ANXA6: variants seen among roughly 807,000 people sequenced by gnomAD.
ANXA6 encodes the protein annexin A6.
Under a neutral mutation model 95.4 loss-of-function variants are expected in ANXA6, and 71 were observed. That is an observed-to-expected ratio of 0.74 (90% CI 0.61 to 0.91). ANXA6 has a LOEUF of 0.91. Among genes scored for constraint, ANXA6 ranks in the 40% least tolerant of loss-of-function variants. The pLI is 0.00. For synonymous variants in ANXA6, 289 were observed against 315.9 expected, an observed-to-expected ratio of 0.91 and a Z score of 0.90; for missense variants, 830 against 876.4, an observed-to-expected ratio of 0.95 and a Z score of 0.67.
At position 151,101,330 on chromosome 5, in the gene ANXA6, A is replaced by ACCC; in HGVS notation, c.*115_*117dup. 2.6e-6 allele frequency: 1 copy of ACCC among 385,868 alleles called. No homozygotes were observed. The highest frequency in any genetic ancestry group is 5.2e-6 in the Non-Finnish European group (1 of 190,628). 23.9% of individuals were successfully genotyped at this position (385,868 alleles called of 1,614,324 possible). A position where few individuals can be genotyped will look rare whatever the true frequency, so the allele number is the denominator to read the frequency against. ...CCACTGAAGATAAGAGCCCAACCCA[A>ACCC]CCCCTCCCCCCACCCCTGCCCCTTC... On this transcript the variant is annotated 3_prime_UTR_variant, in exon 26 of 26. Coordinates refer to ENST00000354546, the MANE Select transcript of ANXA6 (RefSeq NM_001155.5).
At chr5:151,104,049 G>A (rs1764624376) in intron 24 of ANXA6, among the ~76,000 whole-genome samples, 1 of 152,292 alleles carries the variant, frequency 6.6e-6, no homozygotes, top group East Asian at 1.9e-4. Context: ...AAGAGGGAGG[G>A]CACAGACATA....
intron 2 of ANXA6, among the ~76,000 whole-genome samples, chr5:151,141,072 C>A (rs1765823280): frequency 6.6e-6 from 1 of 152,240 alleles, no homozygotes; most frequent in African/African-American, 2.4e-5. Flanking sequence ...CTGGCTTGGT[C>A]TTTGAGGGGA....
chr5:151,122,896 A>C (rs753079555), intron 16 of ANXA6, 21 bp downstream of exon 16: 7 of 1,608,906 alleles, frequency 4.4e-6, no homozygotes, highest in Non-Finnish European at 5.1e-6. Context: ...TTGCACAGAG[A>C]GCCCAGGAGG....
intron 20 of ANXA6, among the ~76,000 whole-genome samples, chr5:151,112,464 A>C (rs1581982117): frequency 6.6e-6 from 1 of 152,244 alleles, no homozygotes; most frequent in East Asian, 1.9e-4. Context: ...TTTTAAATTT[A>C]AATGTTAAAT....
At position 151,105,146 on chromosome 5, in the gene ANXA6, G is replaced by T. The variant is rs1217967295; in HGVS notation, c.1839+99C>A. 4 of 1,161,544 alleles carry T rather than the reference G, an allele frequency of 3.4e-6. No individual in the cohort carries two copies. The East Asian group carries it at 7.1e-5, about 21-fold the overall frequency. 72.0% of individuals were successfully genotyped at this position (1,161,544 alleles called of 1,614,324 possible). Reference sequence around the variant, plus strand: ...AAATGTCAAATGGGAAGAAACAGCTGCCAGGAATCCTGATCTGGGGGATGG... The same window carrying T: ...AAATGTCAAATGGGAAGAAACAGCTTCCAGGAATCCTGATCTGGGGGATGG... On this transcript the variant is annotated intron_variant, in intron 24 of 25. Transcript: ENST00000354546.
At chr5:151,134,374 C>T in intron 8 of ANXA6, 53 bp downstream of exon 8, 1 of 1,593,962 alleles carries the variant, frequency 6.3e-7, no homozygotes, top group Non-Finnish European at 8.6e-7. Context: ...CAACCTCTCC[C>T]CTCCCAAGGC....
chr5:151,135,898 A>C (rs1765644993), intron 7 of ANXA6, among the ~76,000 whole-genome samples: 2 of 152,138 alleles, frequency 1.3e-5, no homozygotes, highest in Non-Finnish European at 2.9e-5. Context: ...TCTCTTTGTG[A>C]TATACTTTGG....
chr5:151,157,381 T>C (rs1436023282), intron 1 of ANXA6, among the ~76,000 whole-genome samples: 1 of 143,560 alleles, frequency 7.0e-6, no homozygotes, highest in African/African-American at 2.7e-5. Context: ...GACCAGCCCC[T>C]GGCTCAGCTC....
chr5:151,133,176 C>T lies in ANXA6; in HGVS notation c.558G>A (p.Glu186=), dbSNP rs948619279. 3 of 1,586,890 alleles carry T rather than the reference C, an allele frequency of 1.9e-6. No individual in the cohort carries two copies. Among genetic ancestry groups the T allele is most frequent in the Non-Finnish European group, 2.6e-6 (3 of 1,165,632 alleles). ...LVQQDVQDLY[E]AGELKWGTDE... is the part of the protein sequence containing the mutation. Reference sequence around the variant, plus strand: ...CTGTTCCCCATTTCAGTTCCCCTGCCTCGTATAGGTCCTGAAGGGGAAGAG... The same window carrying T: ...CTGTTCCCCATTTCAGTTCCCCTGCTTCGTATAGGTCCTGAAGGGGAAGAG... Residue 186 remains glutamate, a synonymous_variant, in exon 9 of 26, where the codon GAG becomes GAA. Transcript: ENST00000354546.
At chr5:151,145,914 T>C (rs1765964509) in intron 2 of ANXA6, among the ~76,000 whole-genome samples, 1 of 152,126 alleles carries the variant, frequency 6.6e-6, no homozygotes, top group Non-Finnish European at 1.5e-5. Context: ...GTTCCTCCCC[T>C]GAGTAGCTCT....
intron 18 of ANXA6, 74 bp downstream of exon 18, chr5:151,119,226 G>T (rs1287384909): frequency 3.7e-5 from 46 of 1,248,488 alleles, no homozygotes; most frequent in Non-Finnish European, 4.8e-5. Flanking sequence ...CCTGGGCAGA[G>T]CTGTGGGCTG....
intron 1 of ANXA6, chr5:151,155,548 G>A (rs895259001): frequency 4.6e-5 from 7 of 152,202 alleles, no homozygotes; most frequent in African/African-American, 7.2e-5. Context: ...ACACCCCTCC[G>A]ACTTCCTCCC....
intron 2 of ANXA6, chr5:151,141,797 AAAGAGT>A (rs1399232700): frequency 1.2e-6 from 1 of 825,818 alleles, no homozygotes; most frequent in Non-Finnish European, 1.5e-6. Context: ...GCAGAGACTT[AAAGAGT>A]AACACATGCC....
Position 151,128,243 on chromosome 5 carries a change from A to T in ANXA6, c.919-4T>A, listed in dbSNP as rs1765384955. The T allele has an allele frequency of 6.2e-7, 1 of 1,607,244 alleles. No individual in the cohort carries two copies. Among genetic ancestry groups the T allele is most frequent in the African/African-American group, 1.3e-5 (1 of 74,760 alleles). ...TGTACTCGCCAGAGGTGTCATTCTG[A>T]AGAGAAAGAAAGAAAGGTTACCTCT... On this transcript the variant is annotated splice_polypyrimidine_tract_variant and splice_region_variant and intron_variant, in intron 12 of 25. Coordinates refer to ENST00000354546, the MANE Select transcript of ANXA6 (RefSeq NM_001155.5).
chr5:151,108,025 ATGTG>A (rs1285938710), intron 23 of ANXA6, among the ~76,000 whole-genome samples: 1 of 151,432 alleles, frequency 6.6e-6, no homozygotes, highest in Non-Finnish European at 1.5e-5. Context: ...TCTGTGTGTG[ATGTG>A]TGTATGTGTG....
At chr5:151,146,262 G>A (rs116744638) in intron 2 of ANXA6, among the ~76,000 whole-genome samples, 258 of 152,340 alleles carry the variant, frequency 1.7e-3, no homozygotes, top group African/African-American at 5.9e-3. Flanking sequence ...CAGTTCAAAT[G>A]CCTTTCAGGA....
chr5:151,124,512 A>G, intron 14 of ANXA6, 145 bp from the exon 15 acceptor site: 1 of 679,274 alleles, frequency 1.5e-6, no homozygotes, highest in Non-Finnish European at 2.6e-6. Context: ...GTGAAGCCAC[A>G]GCAGACAGAC....
At chr5:151,125,025 G>A (rs1019417574) in intron 14 of ANXA6, among the ~76,000 whole-genome samples, 1 of 152,190 alleles carries the variant, frequency 6.6e-6, no homozygotes, top group Non-Finnish European at 1.5e-5. Flanking sequence ...CTACAACAGT[G>A]TCTGACATAA....
intron 18 of ANXA6, 22 bp from the exon 19 acceptor site, chr5:151,117,859 T>C: frequency 4.4e-6 from 7 of 1,602,180 alleles, no homozygotes; most frequent in South Asian, 1.1e-5. Context: ...AAAGGGGGTG[T>C]GGGTAGCTGC....
Sources: allele counts gnomAD v4.1 joint callset (sites outside exome capture counted in the v4.1 genomes callset), GRCh38; gene constraint gnomAD v4.1.1; transcripts MANE v1.5; gene names NCBI Gene and HGNC (gene_info 2026-07-23, HGNC 2026-07-21).